The following MCU variants were observed in gnomAD, a reference collection of about 807,000 sequenced individuals.
MCU encodes mitochondrial calcium uniporter, also known as calcium uniporter protein, mitochondrial.
In MCU, 12 loss-of-function variants were observed where a neutral mutation model predicts 45.2. The observed-to-expected ratio is 0.27, with a 90% confidence interval of 0.17 to 0.43. The LOEUF (loss-of-function observed/expected upper bound fraction) is 0.43. Among genes scored for constraint, MCU ranks in the 20% least tolerant of loss-of-function variants. The pLI, the probability that MCU is intolerant of heterozygous loss-of-function variation, is 1.00. For missense variants in MCU, 324 were observed against 436.7 expected (o/e 0.74, Z 2.30); for synonymous variants, 160 against 165.1 (o/e 0.97, Z 0.24).
At chr10:72,716,403 T>TA (rs1285288255) in intron 1 of MCU, among the ~76,000 whole-genome samples, 4 of 152,258 alleles carry the variant, frequency 2.6e-5, no homozygotes, top group African/African-American at 9.6e-5. Context: ...TATGATTGAT[T>TA]ACTAATACAA....
intron 1 of MCU, among the ~76,000 whole-genome samples, chr10:72,700,282 A>G (rs574952965): frequency 6.6e-6 from 1 of 151,838 alleles, no homozygotes; most frequent in South Asian, 2.1e-4. Context: ...GCTGGTCTTG[A>G]ACTCCTGGCC....
At chr10:72,692,884 T>C (rs1342948317) in intron 1 of MCU, 16 of 1,440,792 alleles carry the variant, frequency 1.1e-5, no homozygotes, top group Non-Finnish European at 1.5e-5. Context: ...TGACTTCCTC[T>C]GTGTGTGTGC....
chr10:72,788,515 A>G (rs1031209804), intron 1 of MCU, among the ~76,000 whole-genome samples: 5 of 152,216 alleles, frequency 3.3e-5, no homozygotes, highest in Admixed American at 2.0e-4. Context: ...AGTCCCAGCT[A>G]CACGGAACTC....
intron 2 of MCU, among the ~76,000 whole-genome samples, chr10:72,855,900 A>G (rs972034822): frequency 6.6e-6 from 1 of 152,206 alleles, no homozygotes; most frequent in African/African-American, 2.4e-5. Context: ...AGGATAGGGA[A>G]AGATATACTA....
intron 4 of MCU, among the ~76,000 whole-genome samples, chr10:72,861,114 T>A (rs1223518602): frequency 6.6e-6 from 1 of 152,064 alleles, no homozygotes; most frequent in East Asian, 1.9e-4. Context: ...AGCCTCGACC[T>A]CAAGTTATCC....
rs182171355 is a variant in MCU, at chr10:72,852,896, G to T, written c.221-6281G>T. Among the ~76,000 whole-genome samples, 7 of 152,252 alleles carry T rather than the reference G, an allele frequency of 4.6e-5. No homozygotes were observed. The East Asian group carries it at 1.3e-3, about 29-fold the overall frequency. ...AAATGAATAATTTTGCTTCCCTCTAGCCACAGTAGAGAGATAGCCTTGGAC... is the reference window on the plus strand; with the variant it reads ...AAATGAATAATTTTGCTTCCCTCTATCCACAGTAGAGAGATAGCCTTGGAC... On this transcript the variant is annotated intron_variant, in intron 2 of 7. Coordinates refer to ENST00000373053, the MANE Select transcript of MCU (RefSeq NM_138357.3).
chr10:72,826,863 T>G (rs2132823621), intron 1 of MCU, among the ~76,000 whole-genome samples: 1 of 152,254 alleles, frequency 6.6e-6, no homozygotes, highest in Non-Finnish European at 1.5e-5. Context: ...TCCCACTCTG[T>G]CCCACCCAAG....
intron 1 of MCU, among the ~76,000 whole-genome samples, chr10:72,747,902 A>G (rs1301901310): frequency 6.6e-6 from 1 of 152,026 alleles, no homozygotes; most frequent in African/African-American, 2.4e-5. Flanking sequence ...TAGTAGCCGT[A>G]TTTTAAAAAG....
intron 1 of MCU, among the ~76,000 whole-genome samples, chr10:72,789,866 C>A (rs572763755): frequency 6.6e-6 from 1 of 152,266 alleles, no homozygotes; most frequent in Non-Finnish European, 1.5e-5. Context: ...CTTTTAAAGG[C>A]ATTTCAGACT....
At chr10:72,817,968 A>G (rs571239846) in intron 1 of MCU, among the ~76,000 whole-genome samples, 54 of 152,322 alleles carry the variant, frequency 3.5e-4, no homozygotes, top group African/African-American at 1.3e-3. Context: ...TAAATGTGAA[A>G]AATATTTGGA....
intron 1 of MCU, among the ~76,000 whole-genome samples, chr10:72,754,395 A>G (rs930414882): frequency 2.0e-5 from 3 of 152,130 alleles, no homozygotes; most frequent in Non-Finnish European, 4.4e-5. Flanking sequence ...CTTCAGCCAG[A>G]TTTTCTGATC....
chr10:72,721,728 G>T (rs1843024732), intron 1 of MCU, among the ~76,000 whole-genome samples: 1 of 152,086 alleles, frequency 6.6e-6, no homozygotes, highest in African/African-American at 2.4e-5. Flanking sequence ...GTTCTGAGAT[G>T]ATTTTAATAT....
chr10:72,776,262 G>T (rs548312304), intron 1 of MCU, among the ~76,000 whole-genome samples: 1 of 151,976 alleles, frequency 6.6e-6, no homozygotes, highest in Non-Finnish European at 1.5e-5. Context: ...AAGGACCCAA[G>T]AAAAGAAGAA....
intron 1 of MCU, among the ~76,000 whole-genome samples, chr10:72,733,257 G>A (rs563268711): frequency 6.6e-6 from 1 of 152,308 alleles, no homozygotes; most frequent in East Asian, 1.9e-4. Context: ...AGGAGTTCAA[G>A]ACCAGCCTGG....
intron 1 of MCU, among the ~76,000 whole-genome samples, chr10:72,726,256 C>CTT (rs112936516): frequency 6.9e-6 from 1 of 145,586 alleles, no homozygotes; most frequent in Non-Finnish European, 1.5e-5. Flanking sequence ...CACACACACA[C>CTT]GTGTGTGTGT....
At chr10:72,775,729 T>G (rs1843883106) in intron 1 of MCU, among the ~76,000 whole-genome samples, 1 of 152,200 alleles carries the variant, frequency 6.6e-6, no homozygotes, top group Non-Finnish European at 1.5e-5. Context: ...GGTTAGAGAC[T>G]ATTTTGAAGA....
chr10:72,876,878 A>G (rs1845622375), intron 6 of MCU, among the ~76,000 whole-genome samples: 1 of 150,266 alleles, frequency 6.7e-6, no homozygotes, highest in Non-Finnish European at 1.5e-5. Flanking sequence ...TTTCTTTCCT[A>G]ACAAAACTGT....
intron 1 of MCU, among the ~76,000 whole-genome samples, chr10:72,785,870 T>A (rs573623886): frequency 3.9e-5 from 6 of 152,302 alleles, no homozygotes; most frequent in African/African-American, 1.4e-4. Flanking sequence ...CAAAGGAGTA[T>A]TGCCCAGCAA....
intron 1 of MCU, among the ~76,000 whole-genome samples, chr10:72,780,690 C>T (rs1214050537): frequency 6.6e-6 from 1 of 152,086 alleles, no homozygotes; most frequent in Non-Finnish European, 1.5e-5. Flanking sequence ...TCTCCTGCTG[C>T]CCTCTCCTAA....
Sources: gnomAD v4.1 joint callset for allele counts (sites outside exome capture counted in the v4.1 genomes callset) on GRCh38, gnomAD v4.1.1 for gene constraint, MANE v1.5 for transcripts, NCBI Gene and HGNC (gene_info 2026-07-23, HGNC 2026-07-21) for gene names.